Variants in MICU1 observed in about 807,000 individuals in gnomAD.
The protein encoded by MICU1 is mitochondrial calcium uptake 1.
Under a neutral mutation model 56.8 loss-of-function variants are expected in MICU1, and 45 were observed. The observed-to-expected ratio is 0.79, with a 90% confidence interval of 0.62 to 1.02. The LOEUF is 1.02. MICU1 is among the 50% of genes least tolerant of loss of function. MICU1 has a pLI of 0.00. For synonymous variants in MICU1, 186 were observed against 195.1 expected (o/e 0.95, Z 0.39); for missense variants, 504 against 587.1 (o/e 0.86, Z 1.46).
intron 8 of MICU1, among the ~76,000 whole-genome samples, chr10:72,467,112 C>T (rs768978357): frequency 1.3e-5 from 2 of 152,078 alleles, no homozygotes; most frequent in Non-Finnish European, 2.9e-5. Flanking sequence ...GATTCTTGTG[C>T]CTCAGCCTCC....
At chr10:72,502,186 G>A (rs1211310431) in intron 6 of MICU1, among the ~76,000 whole-genome samples, 1 of 139,374 alleles carries the variant, frequency 7.2e-6, no homozygotes, top group African/African-American at 2.8e-5. Context: ...AGTCAGTCTC[G>A]CTCTGTCTTC....
chr10:72,585,303 T>G (rs1841017749), intron 1 of MICU1, among the ~76,000 whole-genome samples: 1 of 152,176 alleles, frequency 6.6e-6, no homozygotes, highest in Non-Finnish European at 1.5e-5. Context: ...AAGATACATT[T>G]CAACTTCAAA....
At chr10:72,551,849 TG>T (rs1564931174) in intron 3 of MICU1, among the ~76,000 whole-genome samples, 1 of 152,316 alleles carries the variant, frequency 6.6e-6, no homozygotes, top group East Asian at 1.9e-4. Flanking sequence ...TTGTCCAGGC[TG>T]GCCTCAAACT....
intron 1 of MICU1, among the ~76,000 whole-genome samples, chr10:72,571,700 T>C (rs984435776): frequency 1.3e-5 from 2 of 152,052 alleles, no homozygotes; most frequent in Admixed American, 1.3e-4. Context: ...ACCTAGGTAT[T>C]GGGTGATGAG....
intron 8 of MICU1, among the ~76,000 whole-genome samples, chr10:72,435,728 G>A (rs1280910642): frequency 1.3e-5 from 2 of 152,264 alleles, no homozygotes; most frequent in African/African-American, 4.8e-5. Context: ...TGGCAGACAA[G>A]GAGATTCTCT....
intron 8 of MICU1, 123 bp from the exon 9 acceptor site, chr10:72,423,494 T>C: frequency 1.7e-6 from 2 of 1,154,562 alleles, no homozygotes; most frequent in Non-Finnish European, 1.2e-6. Flanking sequence ...ATTTTTGAGG[T>C]ACAATTCTCA....
chr10:72,443,949 A>G (rs1445341453), intron 8 of MICU1, among the ~76,000 whole-genome samples: 6 of 149,428 alleles, frequency 4.0e-5, no homozygotes, highest in Non-Finnish European at 7.4e-5. Context: ...ACTATTCACA[A>G]TAGCAAAGAC....
At chr10:72,471,487 A>C (rs1238461362) in intron 8 of MICU1, among the ~76,000 whole-genome samples, 5 of 152,172 alleles carry the variant, frequency 3.3e-5, no homozygotes, top group African/African-American at 9.7e-5. Context: ...GTTTCTAGGA[A>C]CAAGTGTTGG....
intron 8 of MICU1, among the ~76,000 whole-genome samples, chr10:72,457,741 G>A (rs374467564): frequency 6.6e-6 from 1 of 152,186 alleles, no homozygotes; most frequent in African/African-American, 2.4e-5. Flanking sequence ...GAGAGAGACA[G>A]AGAGAGAGAT....
chr10:72,467,412 G>T (rs1336488600), intron 8 of MICU1, among the ~76,000 whole-genome samples: 2 of 152,078 alleles, frequency 1.3e-5, no homozygotes, highest in Non-Finnish European at 2.9e-5. Context: ...TCATACTCCT[G>T]ACCTCAGGTG....
chr10:72,530,330 T>TCAAAATAATAATA (rs1839441483), intron 5 of MICU1, among the ~76,000 whole-genome samples: 1 of 52,118 alleles, frequency 1.9e-5, no homozygotes, highest in Non-Finnish European at 5.6e-5. Flanking sequence ...CGAAACTCCA[T>TCAAAATAATAATA]ATCAAAATAA....
chr10:72,472,341 A>G (rs1218977735), intron 8 of MICU1, among the ~76,000 whole-genome samples: 1 of 152,250 alleles, frequency 6.6e-6, no homozygotes, highest in Non-Finnish European at 1.5e-5. Flanking sequence ...AGAGCTGACC[A>G]GATAATGTCT....
At chr10:72,533,336 A>G (rs1204707134) in intron 5 of MICU1, among the ~76,000 whole-genome samples, 1 of 152,228 alleles carries the variant, frequency 6.6e-6, no homozygotes, top group African/African-American at 2.4e-5. Flanking sequence ...TTACAAAAGC[A>G]CTACAAGGAC....
At chr10:72,544,905 T>G (rs1839861389) in intron 4 of MICU1, among the ~76,000 whole-genome samples, 1 of 152,242 alleles carries the variant, frequency 6.6e-6, no homozygotes, top group Non-Finnish European at 1.5e-5. Context: ...TAAAACTGCT[T>G]AATTTTAGGG....
intron 9 of MICU1, among the ~76,000 whole-genome samples, chr10:72,422,241 C>G (rs1035245071): frequency 6.6e-6 from 1 of 152,192 alleles, no homozygotes; most frequent in Non-Finnish European, 1.5e-5. Context: ...CTGAGGAAAG[C>G]CTGTGTGAGG....
rs1207690265 is a variant in MICU1, at chr10:72,508,192, G to C, written c.615C>G (p.Ser205=). The change falls in exon 6 of 12, where the codon TCC becomes TCG. Residue 205 remains serine, a synonymous_variant. Transcript: ENST00000361114. ...FYTLGECGLI[S]FSDYIFLTTV... ...TTGTGAGGAAAATGTAGTCTGAAAA[G>C]GATATGAGCCCACATTCTCCAAGGG... is the stretch of plus-strand genomic sequence containing the variant. 6.5e-7 allele frequency: 1 copy of C among 1,547,390 alleles called. No homozygotes were observed. The highest frequency in any genetic ancestry group is 1.7e-5 in the Admixed American group (1 of 58,402).
chr10:72,473,574 C>G (rs1346041092), intron 8 of MICU1, among the ~76,000 whole-genome samples: 1 of 152,162 alleles, frequency 6.6e-6, no homozygotes, highest in South Asian at 2.1e-4. Context: ...CACTCACACA[C>G]ACCCACTCAC....
At chr10:72,489,887 C>T (rs1866597240) in intron 6 of MICU1, among the ~76,000 whole-genome samples, 1 of 152,146 alleles carries the variant, frequency 6.6e-6, no homozygotes, top group Admixed American at 6.5e-5. Context: ...TAAGCCACAT[C>T]TGGGAGATAC....
chr10:72,411,957 A>G (rs1290388993), intron 9 of MICU1, among the ~76,000 whole-genome samples: 1 of 152,190 alleles, frequency 6.6e-6, no homozygotes, highest in African/African-American at 2.4e-5. Flanking sequence ...AATATACATC[A>G]CTATACTTTT....
Sources: allele counts gnomAD v4.1 joint callset (sites outside exome capture counted in the v4.1 genomes callset), GRCh38; gene constraint gnomAD v4.1.1; transcripts MANE v1.5; gene names NCBI Gene and HGNC (gene_info 2026-07-23, HGNC 2026-07-21).